ZC3H18: variants seen among roughly 807,000 people sequenced by gnomAD.
The protein encoded by ZC3H18 is zinc finger CCCH domain-containing protein 18.
In ZC3H18, 8 loss-of-function variants were observed where a neutral mutation model predicts 106.1. That is an observed-to-expected ratio of 0.08 (90% CI 0.04 to 0.14). ZC3H18 has a LOEUF of 0.14. ZC3H18 is among the 10% of genes least tolerant of loss of function. ZC3H18 has a pLI of 1.00. For missense variants in ZC3H18, 1,318 were observed against 1,278.4 expected (o/e 1.03, Z -0.47); for synonymous variants, 635 against 522.1 (o/e 1.22, Z -2.95).
intron 8 of ZC3H18, among the ~76,000 whole-genome samples, chr16:88,613,812 A>G (rs1597349925): frequency 1.3e-5 from 2 of 152,312 alleles, no homozygotes; most frequent in Non-Finnish European, 1.5e-5. Context: ...GTAAGATACC[A>G]TTGACTAATA....
chr16:88,621,959 A>G (rs1224903064), intron 8 of ZC3H18, among the ~76,000 whole-genome samples: 1 of 152,196 alleles, frequency 6.6e-6, no homozygotes, highest in Non-Finnish European at 1.5e-5. Flanking sequence ...CTGGTTCAGG[A>G]GAAATCTGGG....
chr16:88,631,044 C>T (rs1390104352), intron 17 of ZC3H18, 57 bp from the exon 18 acceptor site: 4 of 1,603,734 alleles, frequency 2.5e-6, no homozygotes, highest in Admixed American at 3.3e-5. Context: ...GGAGGTCACC[C>T]CTTCCACCTG....
At chr16:88,612,729 C>T (rs1050425749) in intron 8 of ZC3H18, among the ~76,000 whole-genome samples, 2 of 151,466 alleles carry the variant, frequency 1.3e-5, no homozygotes, top group Non-Finnish European at 2.9e-5. Flanking sequence ...AGGCTGGGCA[C>T]GGTGGCTCAC....
At chr16:88,578,597 A>G (rs1379138171) in intron 2 of ZC3H18, among the ~76,000 whole-genome samples, 6 of 151,706 alleles carry the variant, frequency 4.0e-5, no homozygotes, top group African/African-American at 1.5e-4. Flanking sequence ...TGCGGTGAAG[A>G]GTGTCTGCCG....
At chr16:88,615,996 G>A (rs578168664) in intron 8 of ZC3H18, among the ~76,000 whole-genome samples, 31 of 152,310 alleles carry the variant, frequency 2.0e-4, no homozygotes, top group African/African-American at 5.5e-4. Context: ...GCAGATTCCC[G>A]ACTGCTGTGC....
At chr16:88,626,341 G>A (rs1035237265) in intron 13 of ZC3H18, 2 of 152,026 alleles carry the variant, frequency 1.3e-5, no homozygotes, top group Admixed American at 6.6e-5. Context: ...CTGTGATCAC[G>A]ACATTGCATT....
intron 3 of ZC3H18, among the ~76,000 whole-genome samples, chr16:88,596,156 C>T (rs1186631986): frequency 6.6e-6 from 1 of 152,150 alleles, no homozygotes; most frequent in Non-Finnish European, 1.5e-5. Context: ...CCACGCTCGC[C>T]TTCTCAGCTT....
chr16:88,612,136 G>A (rs1905307114), intron 8 of ZC3H18, among the ~76,000 whole-genome samples: 2 of 152,216 alleles, frequency 1.3e-5, no homozygotes, highest in Non-Finnish European at 2.9e-5. Context: ...GGCAGGCGCT[G>A]GGGCTCAGGA....
intron 1 of ZC3H18, among the ~76,000 whole-genome samples, chr16:88,572,221 C>T (rs576245504): frequency 7.2e-5 from 11 of 152,380 alleles, no homozygotes; most frequent in East Asian, 1.9e-4. Flanking sequence ...GGTCCCCAAA[C>T]GCTCTGCATT....
chr16:88,628,085 CCCA>C lies in ZC3H18; in HGVS notation c.2437_2439del (p.His813del). 6.2e-7 allele frequency: 1 copy of C among 1,614,058 alleles called. No individual in the cohort carries two copies. Among genetic ancestry groups the C allele is most frequent in the Non-Finnish European group, 8.5e-7 (1 of 1,180,002 alleles). ...CAGCCCCAGCAGGGCACATTTGTGG[CCCA>C]CAAGGAGATCAAGTTGACACTGTTG... On this transcript the variant is annotated inframe_deletion, in exon 15 of 18. Coordinates refer to ENST00000301011, the MANE Select transcript of ZC3H18 (RefSeq NM_144604.4).
intron 3 of ZC3H18, among the ~76,000 whole-genome samples, chr16:88,596,235 G>A (rs913120469): frequency 6.6e-6 from 1 of 152,168 alleles, no homozygotes; most frequent in Non-Finnish European, 1.5e-5. Flanking sequence ...CAATATCAGT[G>A]AGAAAGGATC....
chr16:88,617,333 C>T (rs889320714), intron 8 of ZC3H18, among the ~76,000 whole-genome samples: 5 of 152,156 alleles, frequency 3.3e-5, no homozygotes, highest in Admixed American at 6.5e-5. Context: ...TCTCTCCGTC[C>T]TAGTTTGCCT....
chr16:88,620,093 C>A (rs977388948), intron 8 of ZC3H18, among the ~76,000 whole-genome samples: 2 of 152,202 alleles, frequency 1.3e-5, no homozygotes, highest in African/African-American at 4.8e-5. Context: ...CTGCCCCCAT[C>A]CTGCATTCTC....
chr16:88,572,384 A>ACCT (rs1381083988), intron 1 of ZC3H18, among the ~76,000 whole-genome samples: 1 of 151,686 alleles, frequency 6.6e-6, no homozygotes, highest in Admixed American at 6.6e-5. Flanking sequence ...GCTCACCGCA[A>ACCT]CCTCCTCCTC....
intron 8 of ZC3H18, among the ~76,000 whole-genome samples, chr16:88,618,753 G>C (rs895081709): frequency 1.3e-5 from 2 of 152,216 alleles, no homozygotes; most frequent in Non-Finnish European, 2.9e-5. Flanking sequence ...TGCGGGAAAG[G>C]CTACTTCCTC....
At chr16:88,600,000 C>A (rs889918828) in intron 6 of ZC3H18, 52 bp downstream of exon 6, 30 of 1,599,678 alleles carry the variant, frequency 1.9e-5, no homozygotes, top group Non-Finnish European at 2.4e-5. Flanking sequence ...TGCGGCCACG[C>A]TCCGGAGAGA....
In ZC3H18 at chr16:88,587,068, G is replaced by A. The variant is rs77373000; in HGVS notation, c.688+384G>A. On this transcript the variant is annotated intron_variant, in intron 3 of 17. Transcript: ENST00000301011. ...CAGAATTAGCATTTTCCCCACCTCT[G>A]TAGAGATGGCCGCTTTTCCTGCAAG... 4.1e-4 allele frequency among the ~76,000 whole-genome samples: 62 copies of A among 152,306 alleles called. No homozygotes were observed. The East Asian group carries it at 0.012, about 28-fold the overall frequency.
At chr16:88,624,864 CT>C (rs1410060769) in intron 12 of ZC3H18, 119 bp downstream of exon 12, 6 of 1,395,338 alleles carry the variant, frequency 4.3e-6, no homozygotes, top group Non-Finnish European at 2.8e-6. Flanking sequence ...GAAGCGCCCC[CT>C]AGCCGAGCAG....
intron 3 of ZC3H18, among the ~76,000 whole-genome samples, chr16:88,594,354 GAC>G (rs775868731): frequency 3.9e-5 from 6 of 152,156 alleles, no homozygotes; most frequent in Admixed American, 3.9e-4. Flanking sequence ...CAATAGAAAT[GAC>G]ACATATAAAC....
Sources: gnomAD v4.1 joint callset for allele counts (sites outside exome capture counted in the v4.1 genomes callset) on GRCh38, gnomAD v4.1.1 for gene constraint, MANE v1.5 for transcripts, NCBI Gene and HGNC (gene_info 2026-07-23, HGNC 2026-07-21) for gene names.